The following CNTN5 variants were observed in gnomAD, a reference collection of about 807,000 sequenced individuals.
CNTN5 encodes contactin 5.
Under a neutral mutation model 129.1 loss-of-function variants are expected in CNTN5, and 77 were observed. The ratio of observed to expected loss-of-function variants is 0.60; its 90% CI spans 0.50 to 0.72. The LOEUF (loss-of-function observed/expected upper bound fraction) is 0.72. Among genes scored for constraint, CNTN5 ranks in the 30% least tolerant of loss-of-function variants. The pLI, the probability that CNTN5 is intolerant of heterozygous loss-of-function variation, is 0.00. For synonymous variants in CNTN5, 509 were observed against 465.6 expected, an observed-to-expected ratio of 1.09 and a Z score of -1.20; for missense variants, 1,478 against 1,328.8, an observed-to-expected ratio of 1.11 and a Z score of -1.75.
chr11:99,795,892 C>G (rs1945918409), intron 3 of CNTN5, among the ~76,000 whole-genome samples: 1 of 152,182 alleles, frequency 6.6e-6, no homozygotes, highest in African/African-American at 2.4e-5. Flanking sequence ...GATCACAACA[C>G]TCTGTTGAAT....
intron 3 of CNTN5, among the ~76,000 whole-genome samples, chr11:99,635,909 A>C (rs1316308129): frequency 1.3e-5 from 2 of 152,164 alleles, no homozygotes; most frequent in African/African-American, 4.8e-5. Context: ...CAGTACTCTG[A>C]AGCAAGAAAA....
At chr11:99,888,368 G>T (rs1233521902) in intron 6 of CNTN5, among the ~76,000 whole-genome samples, 1 of 151,922 alleles carries the variant, frequency 6.6e-6, no homozygotes. Context: ...ATTTTTCTTT[G>T]CAATTAATAC....
At chr11:99,143,329 ATATATATGTATGTGTG>A (rs1398553897) in intron 1 of CNTN5, among the ~76,000 whole-genome samples, 3 of 114,390 alleles carry the variant, frequency 2.6e-5, no homozygotes, top group African/African-American at 9.3e-5. Context: ...AAAATATGTA[ATATATATGTATGTGTG>A]TATATATGTA....
chr11:99,470,909 T>C (rs1169607132), intron 2 of CNTN5, among the ~76,000 whole-genome samples: 1 of 152,104 alleles, frequency 6.6e-6, no homozygotes, highest in Non-Finnish European at 1.5e-5. Context: ...GAATGTGAAG[T>C]AAGTAAAAAG....
intron 1 of CNTN5, among the ~76,000 whole-genome samples, chr11:99,179,784 G>T (rs1182960313): frequency 6.6e-6 from 1 of 152,148 alleles, no homozygotes; most frequent in African/African-American, 2.4e-5. Context: ...ATCTTCTGTA[G>T]TAATGTAGCC....
intron 3 of CNTN5, among the ~76,000 whole-genome samples, chr11:99,636,494 G>A (rs189141761): frequency 1.3e-5 from 2 of 151,904 alleles, no homozygotes; most frequent in African/African-American, 4.8e-5. Flanking sequence ...CTGTACCAAT[G>A]ACCTTTCTTT....
At chr11:100,175,496 A>G (rs1363316893) in intron 13 of CNTN5, among the ~76,000 whole-genome samples, 1 of 152,146 alleles carries the variant, frequency 6.6e-6, no homozygotes, top group African/African-American at 2.4e-5. Context: ...TGATTCAAGT[A>G]TATTCAGTTT....
At chr11:100,119,873 G>A (rs1202677692) in intron 13 of CNTN5, among the ~76,000 whole-genome samples, 1 of 151,806 alleles carries the variant, frequency 6.6e-6, no homozygotes, top group Admixed American at 6.6e-5. Flanking sequence ...CCTGAATTAG[G>A]CAAATAAAAA....
intron 3 of CNTN5, among the ~76,000 whole-genome samples, chr11:99,683,238 A>T (rs1168704685): frequency 6.6e-6 from 1 of 151,800 alleles, no homozygotes; most frequent in Non-Finnish European, 1.5e-5. Flanking sequence ...TCATAAAGAT[A>T]TTGCCCTGTG....
chr11:100,332,263 C>T (rs914155900), intron 21 of CNTN5, among the ~76,000 whole-genome samples: 9 of 151,998 alleles, frequency 5.9e-5, no homozygotes, highest in Non-Finnish European at 1.2e-4. Flanking sequence ...TGGAAATATG[C>T]AACCCTCCTA....
chr11:99,155,037 C>T (rs374794959), intron 1 of CNTN5, among the ~76,000 whole-genome samples: 7 of 152,072 alleles, frequency 4.6e-5, no homozygotes, highest in South Asian at 4.1e-4. Flanking sequence ...ACCCAAGTGT[C>T]TGTAGGGGTT....
intron 21 of CNTN5, among the ~76,000 whole-genome samples, chr11:100,320,454 T>C (rs1462958710): frequency 1.3e-5 from 2 of 152,226 alleles, no homozygotes; most frequent in South Asian, 2.1e-4. Context: ...CCTTATCAAA[T>C]GTAGAGTTTG....
At chr11:100,071,518 A>G (rs1033070262) in intron 11 of CNTN5, among the ~76,000 whole-genome samples, 187 bp from the exon 12 acceptor site, 3 of 152,222 alleles carry the variant, frequency 2.0e-5, no homozygotes, top group African/African-American at 7.2e-5. Flanking sequence ...CAACCAATAA[A>G]TAACTATAAT....
intron 1 of CNTN5, among the ~76,000 whole-genome samples, chr11:99,142,922 G>C (rs1041237819): frequency 6.6e-6 from 1 of 152,094 alleles, no homozygotes; most frequent in African/African-American, 2.4e-5. Context: ...AGCACCTCAG[G>C]GCCAGGGACT....
chr11:100,240,373 C>A (rs970476885), intron 16 of CNTN5, among the ~76,000 whole-genome samples: 3 of 152,176 alleles, frequency 2.0e-5, no homozygotes, highest in African/African-American at 7.2e-5. Context: ...ATCTTTCAGT[C>A]TGTGCTGAAC....
intron 15 of CNTN5, among the ~76,000 whole-genome samples, chr11:100,197,654 G>A (rs1948678172): frequency 1.3e-5 from 2 of 151,934 alleles, no homozygotes; most frequent in South Asian, 4.1e-4. Context: ...GGACTGTGCT[G>A]AGCCACTGTT....
chr11:99,454,436 G>A (rs2656185), intron 2 of CNTN5, among the ~76,000 whole-genome samples: 27,244 of 152,054 alleles, frequency 0.18, 2,766 homozygotes, highest in East Asian at 0.41. Context: ...GTTCTCATGA[G>A]ATCTGATGGT....
At position 100,356,476 on chromosome 11, in the gene CNTN5, A is replaced by ATTCTGTCAG; in HGVS notation, c.*256_*257insTTCTGTCAG. The ATTCTGTCAG allele has an allele frequency of 2.1e-6, 1 of 469,332 alleles. No individual in the cohort carries two copies. Among genetic ancestry groups the ATTCTGTCAG allele is most frequent in the Non-Finnish European group, 3.8e-6 (1 of 264,644 alleles). The allele number at this position is 469,332 out of a possible 1,614,324, so 29.1% of individuals were successfully genotyped here. A position where few individuals can be genotyped will look rare whatever the true frequency, so the allele number is the denominator to read the frequency against. ...TTGTATGTAATGAATTTTTGTAAAC[A>ATTCTGTCAG]AAGGTAATTTCTGTCAAATGTATTC... On this transcript the variant is annotated 3_prime_UTR_variant, in exon 25 of 25. Coordinates refer to ENST00000524871, the MANE Select transcript of CNTN5 (RefSeq NM_014361.4).
At chr11:99,754,802 C>T (rs761665450) in intron 3 of CNTN5, among the ~76,000 whole-genome samples, 4 of 152,156 alleles carry the variant, frequency 2.6e-5, no homozygotes, top group Admixed American at 1.3e-4. Flanking sequence ...TTAGGGTTCA[C>T]TCTTGGTGAT....
Sources: gnomAD v4.1 joint callset for allele counts (sites outside exome capture counted in the v4.1 genomes callset) on GRCh38, gnomAD v4.1.1 for gene constraint, MANE v1.5 for transcripts, NCBI Gene and HGNC (gene_info 2026-07-23, HGNC 2026-07-21) for gene names.